Variants in EFNB2 observed in about 807,000 individuals in gnomAD.
EFNB2 encodes the protein ephrin B2.
A neutral mutation model predicts 32.1 loss-of-function variants in EFNB2; 5 were observed. The ratio of observed to expected loss-of-function variants is 0.16; its 90% CI spans 0.08 to 0.33. The LOEUF (loss-of-function observed/expected upper bound fraction) is 0.33. Among genes scored for constraint, EFNB2 ranks in the 10% least tolerant of loss-of-function variants. The probability of loss-of-function intolerance (pLI) is 1.00; values close to 1 mark genes in which losing one functional copy is unlikely to be tolerated. For missense variants in EFNB2, 263 were observed against 422.6 expected (o/e 0.62, Z 3.31); for synonymous variants, 168 against 166.5 (o/e 1.01, Z -0.07).
rs190855238 is a variant in EFNB2, at chr13:106,493,245, G to A, written c.797C>T (p.Thr266Met). The A allele has an allele frequency of 2.9e-5, 47 of 1,614,230 alleles. No homozygotes were observed. The East Asian group carries it at 8.5e-4, about 29-fold the overall frequency. Residue 266 changes from threonine (T) to methionine (M), a missense_variant, in exon 5 of 5, where the codon ACG becomes ATG. Around this residue, in one of 3 missense-constraint regions of EFNB2, gnomAD observed 172 missense variants for 237.1 expected, o/e 0.73. Coordinates refer to ENST00000646441, the MANE Select transcript of EFNB2 (RefSeq NM_004093.4). This position sits in a 1 kb window ranked among gnomAD's most constrained non-coding sequence, Gnocchi z 6.1. Reference sequence around the variant, plus strand: ...TGTGGCCAGTGTGCTGAGCGACAGCGTGGTCGTGTGCTGCGGCGAGTGCTT... The same window carrying A: ...TGTGGCCAGTGTGCTGAGCGACAGCATGGTCGTGTGCTGCGGCGAGTGCTT... ...HRKHSPQHTT[T>M]LSLSTLATPK...
chr13:106,519,807 A>G (rs1286221284), intron 1 of EFNB2: 1 of 152,172 alleles, frequency 6.6e-6, no homozygotes, highest in African/African-American at 2.4e-5. Flanking sequence ...ATAAGATTAA[A>G]ACATTATTTT....
intron 3 of EFNB2, 125 bp downstream of exon 3, chr13:106,495,623 G>T: frequency 2.3e-6 from 2 of 879,568 alleles, no homozygotes; most frequent in South Asian, 1.6e-5. Context: ...TCAAAGTGCA[G>T]AAGGGTTTGC....
In EFNB2 at chr13:106,492,463, G is replaced by C. The variant is rs1298527405; in HGVS notation, c.*577C>G. 1 of 153,076 alleles carries C rather than the reference G, an allele frequency of 6.5e-6. No individual in the cohort carries two copies. The highest frequency in any genetic ancestry group is 1.5e-5 in the Non-Finnish European group (1 of 68,680). 9.5% of individuals were successfully genotyped at this position (153,076 alleles called of 1,614,324 possible). A position where few individuals can be genotyped will look rare whatever the true frequency, so the allele number is the denominator to read the frequency against. ...GGCTGGAGGAGGGGACTCCAGACAT[G>C]AGTGTTCCATGAGTGATGCAGATGT... is the stretch of plus-strand genomic sequence containing the variant. On this transcript the variant is annotated 3_prime_UTR_variant, in exon 5 of 5. Transcript: ENST00000646441. This position sits in a 1 kb window ranked among gnomAD's most constrained non-coding sequence, Gnocchi z 5.1.
At chr13:106,525,532 C>T (rs1030485269) in intron 1 of EFNB2, among the ~76,000 whole-genome samples, 4 of 152,206 alleles carry the variant, frequency 2.6e-5, no homozygotes, top group Admixed American at 6.5e-5. Flanking sequence ...GATAGACACA[C>T]GCTGCCCTTG....
chr13:106,504,824 C>T (rs977056606), intron 2 of EFNB2, among the ~76,000 whole-genome samples: 9 of 152,108 alleles, frequency 5.9e-5, no homozygotes, highest in African/African-American at 2.2e-4. Context: ...AAGTCTCATA[C>T]CACCTCTACT....
intron 2 of EFNB2, among the ~76,000 whole-genome samples, chr13:106,498,617 A>G (rs958862583): frequency 3.9e-5 from 6 of 152,204 alleles, no homozygotes; most frequent in Admixed American, 2.6e-4. Context: ...CATAAGAATG[A>G]AACTGCTTTG....
At position 106,493,972 on chromosome 13, in the gene EFNB2, A is replaced by C. The variant is rs1043207777; in HGVS notation, c.614-544T>G. ...GCTCGTAACTCGTCTGTATTATTTG[A>C]TTTACACTTAAAATATATTTGGAAG... On this transcript the variant is annotated intron_variant, in intron 4 of 4. Coordinates refer to ENST00000646441, the MANE Select transcript of EFNB2 (RefSeq NM_004093.4). The surrounding 1 kb of genome is among the most constrained non-coding windows in gnomAD (Gnocchi z 6.1). 6.6e-6 allele frequency among the ~76,000 whole-genome samples: 1 copy of C among 152,214 alleles called. No individual in the cohort carries two copies. The highest frequency in any genetic ancestry group is 1.5e-5 in the Non-Finnish European group (1 of 68,040).
chr13:106,497,899 C>T (rs546012993), intron 2 of EFNB2, among the ~76,000 whole-genome samples: 17 of 152,210 alleles, frequency 1.1e-4, no homozygotes, highest in African/African-American at 4.1e-4. Context: ...GAGAATTTTC[C>T]TATTTGATTT....
At position 106,511,213 on chromosome 13, in the gene EFNB2, C is replaced by A. The variant is rs147770146; in HGVS notation, c.406+1316G>T. On this transcript the variant is annotated intron_variant, in intron 2 of 4. Coordinates refer to ENST00000646441, the MANE Select transcript of EFNB2 (RefSeq NM_004093.4). Reference sequence around the variant, plus strand: ...ATAATTACTCCTTACTAAGTATATACTCTACCACATTCTCTCTTTTTTTTC... The same window carrying A: ...ATAATTACTCCTTACTAAGTATATAATCTACCACATTCTCTCTTTTTTTTC... Among the ~76,000 whole-genome samples, 25 of 152,298 alleles carry A rather than the reference C, an allele frequency of 1.6e-4. No homozygotes were observed. In the East Asian group the frequency reaches 4.1e-3, roughly 25 times the overall value.
At chr13:106,520,190 C>T (rs1183555106) in intron 1 of EFNB2, 2 of 152,218 alleles carry the variant, frequency 1.3e-5, no homozygotes. Context: ...TGTTCTGTAT[C>T]AAGTATACTT....
intron 1 of EFNB2, 21 bp downstream of exon 1, chr13:106,534,822 G>A (rs756394853): frequency 2.5e-6 from 4 of 1,606,414 alleles, no homozygotes; most frequent in Non-Finnish European, 3.4e-6. Context: ...GGGACATAGG[G>A]GGATCGCGGA....
In EFNB2 at chr13:106,501,168, A is replaced by G. The variant is rs184742265; in HGVS notation, c.407-5328T>C. 1.7e-3 allele frequency among the ~76,000 whole-genome samples: 255 copies of G among 152,352 alleles called. 1 individual carries two copies. Among genetic ancestry groups the G allele is most frequent in the African/African-American group, 5.9e-3 (244 of 41,586 alleles). ...TGTAGTTGAATGCCTTGAGTTTCAC[A>G]GTTATCTTTTAAGATGCTAACTTAG... is the stretch of plus-strand genomic sequence containing the variant. On this transcript the variant is annotated intron_variant, in intron 2 of 4. Coordinates refer to ENST00000646441, the MANE Select transcript of EFNB2 (RefSeq NM_004093.4).
chr13:106,528,507 A>G (rs1879773684), intron 1 of EFNB2, among the ~76,000 whole-genome samples: 2 of 151,902 alleles, frequency 1.3e-5, no homozygotes, highest in South Asian at 4.1e-4. Context: ...AAAAAACAGC[A>G]CTGAATTCCC....
chr13:106,494,315 T>C (rs1566454147), intron 4 of EFNB2, among the ~76,000 whole-genome samples: 1 of 152,222 alleles, frequency 6.6e-6, no homozygotes, highest in Non-Finnish European at 1.5e-5. Flanking sequence ...CCAAGACTGT[T>C]AAGAAAACGA....
Position 106,493,940 on chromosome 13 carries a change from A to G in EFNB2, c.614-512T>C, listed in dbSNP as rs1316006134. Reference sequence around the variant, plus strand: ...GGAAGGAGTGAGGGGGCCTGGGAAAATGTTCAGCTCGTAACTCGTCTGTAT... The same window carrying G: ...GGAAGGAGTGAGGGGGCCTGGGAAAGTGTTCAGCTCGTAACTCGTCTGTAT... On this transcript the variant is annotated intron_variant, in intron 4 of 4. Transcript: ENST00000646441. This position sits in a 1 kb window ranked among gnomAD's most constrained non-coding sequence, Gnocchi z 6.1. Among the ~76,000 whole-genome samples the G allele has an allele frequency of 6.6e-6, 1 of 152,198 alleles. No homozygotes were observed. Among genetic ancestry groups the G allele is most frequent in the Non-Finnish European group, 1.5e-5 (1 of 68,028 alleles).
Position 106,535,080 on chromosome 13 carries a change from G to T in EFNB2, c.-116C>A. On this transcript the variant is annotated 5_prime_UTR_variant, in exon 1 of 5. Transcript: ENST00000646441. Reference sequence around the variant, plus strand: ...CGGGGAAGACGGCGTGCGCCCGCAGGCAGCTCCGAGGCGCGCTGCGCAGCT... The same window carrying T: ...CGGGGAAGACGGCGTGCGCCCGCAGTCAGCTCCGAGGCGCGCTGCGCAGCT... 2.1e-6 allele frequency: 3 copies of T among 1,432,346 alleles called. No individual in the cohort carries two copies. Among genetic ancestry groups the T allele is most frequent in the Non-Finnish European group, 2.8e-6 (3 of 1,073,494 alleles). 88.7% of individuals were successfully genotyped at this position (1,432,346 alleles called of 1,614,324 possible).
rs931101990 is a variant in EFNB2 at position 106,493,103 on chromosome 13, G to C, written c.939C>G (p.His313Gln). ...GCATCTCCTGGACGATGTACACCGG[G>C]TGCCCGTAGTCCCCGCTGACCTTCT... The part of the protein sequence containing the change: ...HYEKVSGDYG[H>Q]PVYIVQEMPP... Residue 313 changes from histidine to glutamine, a missense_variant, in exon 5 of 5, where the codon CAC (histidine) becomes CAG (glutamine). Coordinates refer to ENST00000646441, the MANE Select transcript of EFNB2 (RefSeq NM_004093.4). The surrounding 1 kb of genome is among the most constrained non-coding windows in gnomAD (Gnocchi z 6.1). 1 of 1,613,876 alleles carries C rather than the reference G, an allele frequency of 6.2e-7. No homozygotes were observed. Among genetic ancestry groups the C allele is most frequent in the African/African-American group, 1.3e-5 (1 of 74,934 alleles).
chr13:106,534,318 G>C (rs978983706), intron 1 of EFNB2, among the ~76,000 whole-genome samples: 5 of 152,168 alleles, frequency 3.3e-5, no homozygotes, highest in Non-Finnish European at 5.9e-5. Flanking sequence ...AGGCGCCCCG[G>C]CTCCAGGGCT....
chr13:106,511,974 T>C lies in EFNB2; in HGVS notation c.406+555A>G, dbSNP rs758325440. 1.3e-5 allele frequency among the ~76,000 whole-genome samples: 2 copies of C among 152,210 alleles called. 1 individual carries two copies. The highest frequency in any genetic ancestry group is 4.1e-4 in the South Asian group (2 of 4,832). On this transcript the variant is annotated intron_variant, in intron 2 of 4. Coordinates refer to ENST00000646441, the MANE Select transcript of EFNB2 (RefSeq NM_004093.4). The stretch of plus-strand genomic sequence containing the variant: ...TGTACTAAGCAAACCAAGTTTCGTC[T>C]TTTTCTTCTGAATCTGGTTTTAATG...
Sources: allele counts gnomAD v4.1 joint callset (sites outside exome capture counted in the v4.1 genomes callset), GRCh38; gene constraint gnomAD v4.1.1; regional missense constraint gnomAD v4.1.1; non-coding constraint Gnocchi (gnomAD v3.1); transcripts MANE v1.5; gene names NCBI Gene and HGNC (gene_info 2026-07-23, HGNC 2026-07-21).